ST6GALNAC5: variants seen among roughly 807,000 people sequenced by gnomAD.
ST6GALNAC5 encodes ST6 N-acetylgalactosaminide alpha-2,6-sialyltransferase 5, also known as alpha-N-acetylgalactosaminide alpha-2,6-sialyltransferase 5.
ST6GALNAC5 carries 27 observed loss-of-function variants against 33.6 expected under a neutral mutation model. The ratio of observed to expected loss-of-function variants is 0.80; its 90% CI spans 0.59 to 1.11. The LOEUF (loss-of-function observed/expected upper bound fraction) is 1.11. Ranked by LOEUF, ST6GALNAC5 falls within the 50% of genes least tolerant of loss-of-function variation. The pLI is 0.00. For synonymous variants in ST6GALNAC5, 194 were observed against 171.2 expected (o/e 1.13, Z -1.04); for missense variants, 428 against 454.0 (o/e 0.94, Z 0.52).
Position 77,066,820 on chromosome 1 carries a change from A to G in ST6GALNAC5, c.*3614A>G, listed in dbSNP as rs916298231. Among the ~76,000 whole-genome samples, 1 of 152,016 alleles carries G rather than the reference A, an allele frequency of 6.6e-6. No homozygotes were observed. Among genetic ancestry groups the G allele is most frequent in the East Asian group, 1.9e-4 (1 of 5,186 alleles). On this transcript the variant is annotated 3_prime_UTR_variant, in exon 5 of 5. Transcript: ENST00000477717. ...TATCTCTTTACTGTCATTTTCTCCCAATTGTCTTCTTTTGTCTACAGTGTG... is the reference window on the plus strand; with the variant it reads ...TATCTCTTTACTGTCATTTTCTCCCGATTGTCTTCTTTTGTCTACAGTGTG...
chr1:76,938,334 C>T (rs910029276), intron 2 of ST6GALNAC5, among the ~76,000 whole-genome samples: 6 of 151,990 alleles, frequency 3.9e-5, no homozygotes, highest in African/African-American at 1.4e-4. Context: ...GGACTGGCTG[C>T]TTTTATAGGG....
chr1:76,934,561 G>A (rs764148228), intron 2 of ST6GALNAC5, among the ~76,000 whole-genome samples: 4 of 152,080 alleles, frequency 2.6e-5, no homozygotes, highest in Non-Finnish European at 4.4e-5. Context: ...TAAAATCCCC[G>A]TTTTTGGTTA....
intron 2 of ST6GALNAC5, among the ~76,000 whole-genome samples, chr1:76,928,310 G>A (rs889889695): frequency 1.3e-5 from 2 of 152,084 alleles, no homozygotes; most frequent in African/African-American, 4.8e-5. Flanking sequence ...TTAATGCAAT[G>A]TGATGTATTA....
At chr1:76,886,952 G>C (rs1381963822) in intron 2 of ST6GALNAC5, among the ~76,000 whole-genome samples, 2 of 152,098 alleles carry the variant, frequency 1.3e-5, no homozygotes, top group Admixed American at 6.5e-5. Flanking sequence ...CCATTCATTA[G>C]ATGATGGACA....
At chr1:76,877,751 TG>T (rs1036915854) in intron 2 of ST6GALNAC5, among the ~76,000 whole-genome samples, 10 of 152,052 alleles carry the variant, frequency 6.6e-5, no homozygotes, top group African/African-American at 2.4e-4. Flanking sequence ...CTTGTGGGAG[TG>T]AAAAGCAATC....
At chr1:76,989,207 C>T (rs1310750295) in intron 2 of ST6GALNAC5, among the ~76,000 whole-genome samples, 1 of 152,088 alleles carries the variant, frequency 6.6e-6, no homozygotes, top group African/African-American at 2.4e-5. Context: ...CCATTCTCAA[C>T]CTCTGTGAAT....
intron 4 of ST6GALNAC5, among the ~76,000 whole-genome samples, chr1:77,052,418 T>A (rs1313626650): frequency 6.6e-6 from 1 of 152,162 alleles, no homozygotes; most frequent in Non-Finnish European, 1.5e-5. Context: ...TTGTTTTCCT[T>A]GTTTGTAAAA....
At chr1:76,918,602 G>C in intron 2 of ST6GALNAC5, among the ~76,000 whole-genome samples, 1 of 126,176 alleles carries the variant, frequency 7.9e-6, no homozygotes, top group South Asian at 3.1e-4. Context: ...TAGTGACAGA[G>C]TGAGACTCCA....
chr1:76,960,458 A>G (rs1324229042), intron 2 of ST6GALNAC5, among the ~76,000 whole-genome samples: 1 of 152,146 alleles, frequency 6.6e-6, no homozygotes, highest in African/African-American at 2.4e-5. Context: ...AAAATTGCTA[A>G]TGAAGTTTTG....
At chr1:76,880,679 T>C (rs1438440309) in intron 2 of ST6GALNAC5, among the ~76,000 whole-genome samples, 1 of 152,188 alleles carries the variant, frequency 6.6e-6, no homozygotes, top group Non-Finnish European at 1.5e-5. Context: ...GATTAGATTG[T>C]GCCCATCAGA....
At chr1:77,049,847 A>G (rs1402098329) in intron 3 of ST6GALNAC5, among the ~76,000 whole-genome samples, 1 of 152,210 alleles carries the variant, frequency 6.6e-6, no homozygotes, top group African/African-American at 2.4e-5. Context: ...TATATTTAAT[A>G]AGCTACTCAT....
At chr1:76,978,363 GC>G (rs1173887647) in intron 2 of ST6GALNAC5, among the ~76,000 whole-genome samples, 1 of 151,980 alleles carries the variant, frequency 6.6e-6, no homozygotes, top group Non-Finnish European at 1.5e-5. Flanking sequence ...TGTTGTCTGT[GC>G]TGTAGAAATA....
At chr1:76,869,688 A>C (rs1178898767) in intron 2 of ST6GALNAC5, among the ~76,000 whole-genome samples, 1 of 152,190 alleles carries the variant, frequency 6.6e-6, no homozygotes, top group African/African-American at 2.4e-5. Flanking sequence ...TGCAAAGGTC[A>C]CTCTAACCAT....
chr1:76,878,643 T>A (rs1653705069), intron 2 of ST6GALNAC5, among the ~76,000 whole-genome samples: 1 of 152,140 alleles, frequency 6.6e-6, no homozygotes. Context: ...CTCAAGGGGA[T>A]CCAGGCTCCC....
intron 2 of ST6GALNAC5, among the ~76,000 whole-genome samples, chr1:76,893,276 A>G (rs534184178): frequency 6.6e-6 from 1 of 152,304 alleles, no homozygotes; most frequent in South Asian, 2.1e-4. Flanking sequence ...TGGATTTCAT[A>G]TGTCATACCA....
chr1:76,877,913 C>T (rs1294419135), intron 2 of ST6GALNAC5, among the ~76,000 whole-genome samples: 5 of 152,162 alleles, frequency 3.3e-5, no homozygotes, highest in Non-Finnish European at 7.3e-5. Flanking sequence ...AGGCATTTGC[C>T]GAATCAATGG....
intron 2 of ST6GALNAC5, among the ~76,000 whole-genome samples, chr1:76,966,831 C>T (rs1056882946): frequency 6.6e-6 from 1 of 152,166 alleles, no homozygotes; most frequent in Admixed American, 6.5e-5. Context: ...TATCAAAGGC[C>T]TTTTCTGCAT....
intron 2 of ST6GALNAC5, among the ~76,000 whole-genome samples, chr1:76,925,971 G>A (rs1647081847): frequency 1.3e-5 from 2 of 152,090 alleles, no homozygotes; most frequent in Admixed American, 6.6e-5. Flanking sequence ...AGATTTGATG[G>A]GCTCTCTGGT....
At chr1:76,931,462 A>G (rs1647140145) in intron 2 of ST6GALNAC5, among the ~76,000 whole-genome samples, 1 of 152,110 alleles carries the variant, frequency 6.6e-6, no homozygotes, top group Non-Finnish European at 1.5e-5. Flanking sequence ...CTCCAAGCAT[A>G]TTTTATGGCA....
Sources: allele counts gnomAD v4.1 joint callset (sites outside exome capture counted in the v4.1 genomes callset), GRCh38; gene constraint gnomAD v4.1.1; transcripts MANE v1.5; gene names NCBI Gene and HGNC (gene_info 2026-07-23, HGNC 2026-07-21).